NCOA2: variants seen among roughly 807,000 people sequenced by gnomAD.
NCOA2 encodes the protein class E basic helix-loop-helix protein 75.
NCOA2 carries 21 observed loss-of-function variants against 145.1 expected under a neutral mutation model. The ratio of observed to expected loss-of-function variants is 0.14; its 90% CI spans 0.10 to 0.21. The LOEUF (loss-of-function observed/expected upper bound fraction) is 0.21, where lower values mean the gene tolerates loss of function less well. Ranked by LOEUF, NCOA2 falls within the 10% of genes least tolerant of loss-of-function variation. The pLI, the probability that NCOA2 is intolerant of heterozygous loss-of-function variation, is 1.00. For missense variants in NCOA2, 1,472 were observed against 1,837.6 expected, an observed-to-expected ratio of 0.80 and a Z score of 3.64; for synonymous variants, 619 against 637.5, an observed-to-expected ratio of 0.97 and a Z score of 0.44.
chr8:70,417,721 T>C, the NCOA2 span, among the ~76,000 whole-genome samples: 4,049 of 152,282 alleles, frequency 0.027, 164 homozygotes, highest in African/African-American at 0.092. Flanking sequence ...CCATTAGTAG[T>C]TGTGCCTGAA....
chr8:70,132,915 C>A (rs1434103545), intron 15 of NCOA2, among the ~76,000 whole-genome samples: 2 of 152,116 alleles, frequency 1.3e-5, no homozygotes, highest in South Asian at 2.1e-4. Flanking sequence ...AGCCTTCCTG[C>A]ATTAGGTACA....
chr8:70,371,943 G>C (rs73684287), intron 1 of NCOA2, among the ~76,000 whole-genome samples: 3 of 148,406 alleles, frequency 2.0e-5, no homozygotes, highest in African/African-American at 7.5e-5. Context: ...AAACTCATTA[G>C]TTTAAAAACT....
chr8:70,438,458 T>C, the NCOA2 span, among the ~76,000 whole-genome samples: 41 of 152,332 alleles, frequency 2.7e-4, no homozygotes, highest in African/African-American at 9.6e-4. Context: ...CAATATATTA[T>C]ACTGACCTCA....
At chr8:70,316,234 T>C (rs1198140086) in intron 1 of NCOA2, among the ~76,000 whole-genome samples, 3 of 152,204 alleles carry the variant, frequency 2.0e-5, no homozygotes, top group Admixed American at 6.5e-5. Flanking sequence ...CAAAGCACCA[T>C]ATGGCTGAAA....
chr8:70,398,535 C>T (rs1436612396), intron 1 of NCOA2, among the ~76,000 whole-genome samples: 1 of 152,192 alleles, frequency 6.6e-6, no homozygotes, highest in East Asian at 1.9e-4. Flanking sequence ...TCAAACAATT[C>T]GGAACTGGCT....
intron 16 of NCOA2, 44 bp from the exon 17 acceptor site, chr8:70,129,024 A>C (rs1465309801): frequency 6.5e-7 from 1 of 1,535,638 alleles, no homozygotes; most frequent in Non-Finnish European, 8.8e-7. Context: ...TTAAACCATA[A>C]AAACAGCAGA....
At chr8:70,407,326 T>G (rs1340202292), upstream of NCOA2, among the ~76,000 whole-genome samples, 4 of 152,254 alleles carry the variant, frequency 2.6e-5, no homozygotes, top group Non-Finnish European at 4.4e-5. Flanking sequence ...ACATAAATTT[T>G]TTCCTTACTG....
chr8:70,290,759 T>C (rs1826614910), intron 2 of NCOA2, among the ~76,000 whole-genome samples: 2 of 152,142 alleles, frequency 1.3e-5, no homozygotes, highest in African/African-American at 4.8e-5. Flanking sequence ...ATTTAGACCC[T>C]TGTATCTAGA....
intron 1 of NCOA2, among the ~76,000 whole-genome samples, chr8:70,392,519 G>A (rs1334141396): frequency 1.3e-5 from 2 of 152,176 alleles, no homozygotes; most frequent in Non-Finnish European, 2.9e-5. Context: ...TGTGTGAACT[G>A]GAAGGTCTTT....
chr8:70,397,888 A>G (rs1449731960), intron 1 of NCOA2, among the ~76,000 whole-genome samples: 1 of 152,362 alleles, frequency 6.6e-6, no homozygotes, highest in Non-Finnish European at 1.5e-5. Flanking sequence ...ATGTGCTGAC[A>G]TTATATAATT....
At chr8:70,254,239 A>C (rs1823440634) in intron 2 of NCOA2, among the ~76,000 whole-genome samples, 1 of 152,224 alleles carries the variant, frequency 6.6e-6, no homozygotes, top group South Asian at 2.1e-4. Context: ...AATATAGAAA[A>C]TAATAAGTGT....
chr8:70,311,565 C>T (rs1805124678), intron 1 of NCOA2, among the ~76,000 whole-genome samples: 1 of 152,178 alleles, frequency 6.6e-6, no homozygotes, highest in African/African-American at 2.4e-5. Flanking sequence ...AATAACAATA[C>T]CAACATTCCA....
intron 2 of NCOA2, among the ~76,000 whole-genome samples, chr8:70,259,478 T>A (rs1275608257): frequency 1.3e-5 from 2 of 152,222 alleles, no homozygotes. Flanking sequence ...TTAAATTTGA[T>A]GGTAGTCACA....
chr8:70,260,433 G>A (rs1291268623), intron 2 of NCOA2, among the ~76,000 whole-genome samples: 2 of 152,130 alleles, frequency 1.3e-5, no homozygotes, highest in Non-Finnish European at 2.9e-5. Flanking sequence ...ACCACGTCTG[G>A]CTGGAAATGA....
At chr8:70,408,574 A>G (rs1249091732), upstream of NCOA2, among the ~76,000 whole-genome samples, 1 of 152,148 alleles carries the variant, frequency 6.6e-6, no homozygotes, top group Non-Finnish European at 1.5e-5. Context: ...TGAGGCGGGA[A>G]GATCACTTGA....
chr8:70,270,598 G>A (rs1429553144), intron 2 of NCOA2, among the ~76,000 whole-genome samples: 4 of 150,504 alleles, frequency 2.7e-5, no homozygotes. Context: ...TAGGCACAGT[G>A]GCCACTATAA....
chr8:70,189,808 C>A (rs958813745), intron 4 of NCOA2, among the ~76,000 whole-genome samples: 2 of 151,894 alleles, frequency 1.3e-5, no homozygotes, highest in African/African-American at 4.8e-5. Context: ...GATTTATGAA[C>A]AAAAGAAAAA....
In NCOA2 at chr8:70,283,783, G is replaced by A. The variant is rs532534603; in HGVS notation, c.-20+12961C>T. ...ATTTTGGAATATTTGCATTGCACTC[G>A]CTAGTTGGCATTCCAAATCCAAAAA... On this transcript the variant is annotated intron_variant, in intron 2 of 22. Transcript: ENST00000452400. Among the ~76,000 whole-genome samples, 12 of 152,092 alleles carry A rather than the reference G, an allele frequency of 7.9e-5. No individual in the cohort carries two copies. In the South Asian group the frequency reaches 1.5e-3, roughly 18 times the overall value.
intron 2 of NCOA2, among the ~76,000 whole-genome samples, chr8:70,276,275 G>A (rs1031593986): frequency 6.6e-6 from 1 of 152,052 alleles, no homozygotes; most frequent in African/African-American, 2.4e-5. Flanking sequence ...AAATTCTCAG[G>A]AAAGACAAAT....
Sources: gnomAD v4.1 joint callset for allele counts (sites outside exome capture counted in the v4.1 genomes callset) on GRCh38, gnomAD v4.1.1 for gene constraint, MANE v1.5 for transcripts, NCBI Gene and HGNC (gene_info 2026-07-23, HGNC 2026-07-21) for gene names.